IMMP2L: variants seen among roughly 807,000 people sequenced by gnomAD.
IMMP2L encodes inner mitochondrial membrane peptidase subunit 2, also known as mitochondrial inner membrane protease subunit 2.
Under a neutral mutation model 19.3 loss-of-function variants are expected in IMMP2L, and 18 were observed. That is an observed-to-expected ratio of 0.93 (90% CI 0.64 to 1.38). The LOEUF (loss-of-function observed/expected upper bound fraction) is 1.38. Ranked by LOEUF, IMMP2L falls within the 40% of genes most tolerant of loss-of-function variation. IMMP2L has a pLI of 0.00. For missense variants in IMMP2L, 233 were observed against 218.2 expected, an observed-to-expected ratio of 1.07 and a Z score of -0.43; for synonymous variants, 76 against 73.0, an observed-to-expected ratio of 1.04 and a Z score of -0.21.
rs1385931866 is a variant in IMMP2L at position 111,142,332 on chromosome 7, AAAAAAAAAAAAGAAAG to A, written c.240-178783_240-178768del. Among the ~76,000 whole-genome samples, 108 of 68,228 alleles carry A rather than the reference AAAAAAAAAAAAGAAAG, an allele frequency of 1.6e-3. 6 individuals are homozygous for A. The highest frequency in any genetic ancestry group is 4.6e-3 in the South Asian group (10 of 2,180). 44.8% of individuals were successfully genotyped at this position (68,228 alleles called of 152,430 possible). ...CAGGGTGAGACTCTGTCTCAAAAAAAAAAAAAAAAAAGAAAGAAAGAAAGAAAGAAAGAAAGAATAG... is the reference window on the plus strand; with the variant it reads ...CAGGGTGAGACTCTGTCTCAAAAAAAAAAGAAAGAAAGAAAGAAAGAATAG... On this transcript the variant is annotated intron_variant, in intron 3 of 5. Coordinates refer to ENST00000405709, the MANE Select transcript of IMMP2L (RefSeq NM_032549.4).
intron 5 of IMMP2L, among the ~76,000 whole-genome samples, chr7:110,849,589 G>C (rs1478261219): frequency 6.6e-6 from 1 of 151,974 alleles, no homozygotes; most frequent in African/African-American, 2.4e-5. Flanking sequence ...AAAGCAAAAT[G>C]TAAATTAAAA....
chr7:111,549,438 A>G (rs185738327), intron 1 of IMMP2L, among the ~76,000 whole-genome samples: 17 of 152,288 alleles, frequency 1.1e-4, no homozygotes, highest in Admixed American at 7.8e-4. Context: ...AAGATCTTAC[A>G]TATCCTTTTC....
chr7:110,959,752 C>G (rs111340947), intron 4 of IMMP2L, among the ~76,000 whole-genome samples: 374 of 151,924 alleles, frequency 2.5e-3, no homozygotes, highest in Admixed American at 8.1e-3. Context: ...CCCATATGAC[C>G]CTGGTGTCAA....
intron 2 of IMMP2L, among the ~76,000 whole-genome samples, chr7:111,512,484 TTGA>T (rs1563294257): frequency 6.6e-6 from 1 of 151,860 alleles, no homozygotes; most frequent in African/African-American, 2.4e-5. Context: ...ATACTATTTA[TTGA>T]TATTTTATTA....
chr7:111,339,931 C>T (rs916934324), intron 3 of IMMP2L, among the ~76,000 whole-genome samples: 4 of 151,798 alleles, frequency 2.6e-5, no homozygotes, highest in Admixed American at 2.6e-4. Context: ...TGCACATAGC[C>T]CCCCAGAGTG....
intron 3 of IMMP2L, among the ~76,000 whole-genome samples, chr7:110,987,332 T>C (rs933688143): frequency 6.6e-6 from 1 of 152,230 alleles, no homozygotes; most frequent in Non-Finnish European, 1.5e-5. Flanking sequence ...GGCAAGGCAC[T>C]GCATTCCACT....
chr7:110,813,255 T>C (rs980417917), intron 5 of IMMP2L, among the ~76,000 whole-genome samples: 1 of 152,082 alleles, frequency 6.6e-6, no homozygotes, highest in Non-Finnish European at 1.5e-5. Context: ...CCCTCTCTTA[T>C]TGAATTCATT....
chr7:110,779,446 G>T (rs1017188937), intron 5 of IMMP2L, among the ~76,000 whole-genome samples: 47 of 151,940 alleles, frequency 3.1e-4, no homozygotes, highest in Admixed American at 3.0e-3. Flanking sequence ...AACAATGGAG[G>T]TTTAGTTATC....
intron 5 of IMMP2L, among the ~76,000 whole-genome samples, chr7:110,750,250 G>C (rs1331090113): frequency 7.6e-6 from 1 of 131,640 alleles, no homozygotes; most frequent in Middle Eastern, 3.7e-3. Flanking sequence ...AGAACCAGCT[G>C]TAAGAGTTTT....
At chr7:110,715,544 A>G (rs113597725) in intron 5 of IMMP2L, among the ~76,000 whole-genome samples, 4 of 152,174 alleles carry the variant, frequency 2.6e-5, no homozygotes, top group African/African-American at 9.6e-5. Context: ...ATTCAGGAGC[A>G]AATTGTTTAA....
intron 4 of IMMP2L, among the ~76,000 whole-genome samples, chr7:110,902,600 G>C (rs1812000868): frequency 6.6e-6 from 1 of 151,388 alleles, no homozygotes; most frequent in Non-Finnish European, 1.5e-5. Flanking sequence ...GTTGGGGATG[G>C]ACCGTAGAGA....
At chr7:111,035,601 G>A (rs200747721) in intron 3 of IMMP2L, among the ~76,000 whole-genome samples, 83 of 152,180 alleles carry the variant, frequency 5.5e-4, no homozygotes, top group Non-Finnish European at 8.4e-4. Flanking sequence ...ATATACCAAC[G>A]CTAGCAATAA....
At chr7:111,381,864 T>C (rs1445642250) in intron 3 of IMMP2L, among the ~76,000 whole-genome samples, 1 of 151,974 alleles carries the variant, frequency 6.6e-6, no homozygotes, top group Non-Finnish European at 1.5e-5. Flanking sequence ...TCGGAAATGC[T>C]TACCAACTCT....
At chr7:111,343,803 T>C (rs1049330557) in intron 3 of IMMP2L, among the ~76,000 whole-genome samples, 2 of 152,152 alleles carry the variant, frequency 1.3e-5, no homozygotes, top group Non-Finnish European at 2.9e-5. Flanking sequence ...GAAAGTAACC[T>C]TGTGATCACC....
intron 5 of IMMP2L, among the ~76,000 whole-genome samples, chr7:110,782,041 T>C (rs1799779956): frequency 6.6e-6 from 1 of 151,898 alleles, no homozygotes; most frequent in Non-Finnish European, 1.5e-5. Context: ...AGCTGAGACC[T>C]GAAGATTAAT....
At chr7:110,743,311 CATT>C (rs1797113343) in intron 5 of IMMP2L, among the ~76,000 whole-genome samples, 1 of 152,166 alleles carries the variant, frequency 6.6e-6, no homozygotes, top group Non-Finnish European at 1.5e-5. Flanking sequence ...TAATTATTCA[CATT>C]ATAGTAATAA....
At chr7:111,520,670 A>G (rs1846248757) in intron 2 of IMMP2L, among the ~76,000 whole-genome samples, 1 of 152,112 alleles carries the variant, frequency 6.6e-6, no homozygotes, top group African/African-American at 2.4e-5. Flanking sequence ...AAATCCTATA[A>G]CAAAATGCAA....
chr7:110,726,428 G>A (rs944278042), intron 5 of IMMP2L, among the ~76,000 whole-genome samples: 23 of 152,182 alleles, frequency 1.5e-4, no homozygotes, highest in Non-Finnish European at 3.1e-4. Flanking sequence ...TAAAATGGAA[G>A]TTTTGGCTGT....
At chr7:110,800,915 G>A (rs1008430177) in intron 5 of IMMP2L, among the ~76,000 whole-genome samples, 2 of 152,028 alleles carry the variant, frequency 1.3e-5, no homozygotes, top group Non-Finnish European at 2.9e-5. Context: ...ACAAGTCTTA[G>A]TCAGATATCT....
Sources: allele counts gnomAD v4.1 joint callset (sites outside exome capture counted in the v4.1 genomes callset), GRCh38; gene constraint gnomAD v4.1.1; transcripts MANE v1.5; gene names NCBI Gene and HGNC (gene_info 2026-07-23, HGNC 2026-07-21).